The following CDCP1 variants were observed in gnomAD, a reference collection of about 807,000 sequenced individuals.
CDCP1 encodes CUB domain containing protein 1.
In CDCP1, 29 loss-of-function variants were observed where a neutral mutation model predicts 60.2. The ratio of observed to expected loss-of-function variants is 0.48; its 90% CI spans 0.36 to 0.66. The LOEUF is 0.66. Ranked by LOEUF, CDCP1 falls within the 30% of genes least tolerant of loss-of-function variation. The pLI is 0.00. For missense variants in CDCP1, 876 were observed against 1,074.3 expected (o/e 0.82, Z 2.58); for synonymous variants, 387 against 431.1 (o/e 0.90, Z 1.27).
chr3:45,094,209 T>A (rs971675263), intron 5 of CDCP1, among the ~76,000 whole-genome samples: 9 of 147,270 alleles, frequency 6.1e-5, no homozygotes, highest in Admixed American at 4.9e-4. Flanking sequence ...GCTGTTGGTT[T>A]ACTGGCCTTC....
intron 1 of CDCP1, among the ~76,000 whole-genome samples, chr3:45,121,124 A>G (rs1698876389): frequency 6.6e-6 from 1 of 152,206 alleles, no homozygotes; most frequent in Non-Finnish European, 1.5e-5. Flanking sequence ...TTAATTTCTC[A>G]TAGACATACT....
At chr3:45,136,601 G>T (rs1699195263) in intron 1 of CDCP1, among the ~76,000 whole-genome samples, 1 of 152,182 alleles carries the variant, frequency 6.6e-6, no homozygotes, top group South Asian at 2.1e-4. Flanking sequence ...TTCATGAAAA[G>T]CTGCTCCAAG....
intron 2 of CDCP1, among the ~76,000 whole-genome samples, chr3:45,118,065 T>C (rs919901448): frequency 3.3e-5 from 5 of 152,210 alleles, no homozygotes; most frequent in Non-Finnish European, 7.3e-5. Context: ...TGGGCTTCTG[T>C]AGTGCTGCCT....
chr3:45,085,705 TC>T lies in CDCP1; in HGVS notation c.2443del (p.Asp815MetfsTer2). The T allele has an allele frequency of 6.2e-7, 1 of 1,614,126 alleles. No individual in the cohort carries two copies. The highest frequency in any genetic ancestry group is 8.5e-7 in the Non-Finnish European group (1 of 1,180,006). ...PYTFSHPNNG[D>X]VSSKDTDIPL... Reference sequence around the variant, plus strand: ...AATGTCTGTGTCCTTGCTGCTTACATCCCCATTGTTGGGATGGGAGAAGGTG... The same window carrying T: ...AATGTCTGTGTCCTTGCTGCTTACATCCCATTGTTGGGATGGGAGAAGGTG... On this transcript the variant is annotated frameshift_variant, in exon 9 of 9. Transcript: ENST00000296129. LOFTEE classifies it low-confidence loss of function (END_TRUNC). The surrounding 1 kb of genome is among the most constrained non-coding windows in gnomAD (Gnocchi z 4.2).
rs549644062 is a variant in CDCP1 at position 45,101,925 on chromosome 3, T to G, written c.1025-6357A>C. Among the ~76,000 whole-genome samples, 5 of 151,864 alleles carry G rather than the reference T, an allele frequency of 3.3e-5. No individual in the cohort carries two copies. The South Asian group carries it at 1.0e-3, about 32-fold the overall frequency. ...AAAAATGTGGTGATGCTTGGTTTAG[T>G]TCAACAGCCGTTCACCGTTCATCAA... On this transcript the variant is annotated intron_variant, in intron 4 of 8. Coordinates refer to ENST00000296129, the MANE Select transcript of CDCP1 (RefSeq NM_022842.5).
At chr3:45,120,801 A>T (rs1698868963) in intron 1 of CDCP1, among the ~76,000 whole-genome samples, 1 of 152,118 alleles carries the variant, frequency 6.6e-6, no homozygotes, top group Non-Finnish European at 1.5e-5. Flanking sequence ...TCCTGACACC[A>T]AAAGTGCTTT....
chr3:45,146,225 C>A lies in CDCP1; in HGVS notation c.63G>T (p.Ala21=). 1.3e-6 allele frequency: 2 copies of A among 1,596,498 alleles called. No homozygotes were observed. Among genetic ancestry groups the A allele is most frequent in the Non-Finnish European group, 1.7e-6 (2 of 1,173,760 alleles). ...ACTCACCTGCCCCGCGCGGCAGGCG[C>A]GCCGCACCCAGCAGCAGAACCCCTA... The part of the protein sequence containing the change: ...ALLGVLLLGA[A]RLPRGAEAFE... Residue 21 remains alanine (A), a synonymous_variant, in exon 1 of 9, where the codon GCG becomes GCT. Transcript: ENST00000296129.
intron 4 of CDCP1, among the ~76,000 whole-genome samples, chr3:45,108,407 A>G (rs1002746410): frequency 1.3e-5 from 2 of 152,174 alleles, no homozygotes; most frequent in African/African-American, 4.8e-5. Flanking sequence ...TAATCTCAGC[A>G]CTAAATCCAT....
intron 2 of CDCP1, among the ~76,000 whole-genome samples, chr3:45,116,627 C>T (rs986318854): frequency 6.6e-6 from 1 of 152,174 alleles, no homozygotes; most frequent in Non-Finnish European, 1.5e-5. Context: ...TACTATCGGA[C>T]CTTATCTGAA....
chr3:45,140,872 T>C (rs1699276984), intron 1 of CDCP1, among the ~76,000 whole-genome samples: 1 of 152,230 alleles, frequency 6.6e-6, no homozygotes, highest in Non-Finnish European at 1.5e-5. Flanking sequence ...GTGCAGAAAG[T>C]CTTTACTTAT....
intron 1 of CDCP1, among the ~76,000 whole-genome samples, chr3:45,144,424 C>G (rs913480374): frequency 1.3e-5 from 2 of 152,022 alleles, no homozygotes; most frequent in Non-Finnish European, 2.9e-5. Flanking sequence ...AGGGCCAGTT[C>G]CTGAGACCAT....
At chr3:45,093,141 A>C in intron 6 of CDCP1, 136 bp downstream of exon 6, 1 of 992,336 alleles carries the variant, frequency 1.0e-6, no homozygotes, top group Non-Finnish European at 1.5e-6. Context: ...CTATCTTTCA[A>C]ATTTCTTGTG....
chr3:45,124,517 G>A (rs1698941033), intron 1 of CDCP1, among the ~76,000 whole-genome samples: 1 of 152,108 alleles, frequency 6.6e-6, no homozygotes, highest in Non-Finnish European at 1.5e-5. Context: ...GGATGCCAAG[G>A]GAGGCAGACT....
At chr3:45,119,791 G>A (rs951694057) in intron 1 of CDCP1, among the ~76,000 whole-genome samples, 2 of 152,130 alleles carry the variant, frequency 1.3e-5, no homozygotes, top group African/African-American at 4.8e-5. Context: ...ACACTCATGT[G>A]ACCACCACAA....
intron 1 of CDCP1, among the ~76,000 whole-genome samples, chr3:45,127,866 G>T (rs1026141712): frequency 6.6e-6 from 1 of 152,220 alleles, no homozygotes; most frequent in Admixed American, 6.5e-5. Flanking sequence ...CCCCTAGAAA[G>T]AAGCTGGGGC....
intron 7 of CDCP1, among the ~76,000 whole-genome samples, chr3:45,090,402 G>T (rs1411851455): frequency 6.6e-6 from 1 of 152,198 alleles, no homozygotes; most frequent in Non-Finnish European, 1.5e-5. Context: ...TGGCTCCAAG[G>T]CCTCCCACTG....
At chr3:45,121,695 A>G (rs1698888412) in intron 1 of CDCP1, among the ~76,000 whole-genome samples, 2 of 152,204 alleles carry the variant, frequency 1.3e-5, no homozygotes, top group Admixed American at 6.5e-5. Flanking sequence ...GGAATGGAGT[A>G]CCAGGGGGCA....
intron 1 of CDCP1, among the ~76,000 whole-genome samples, chr3:45,126,774 G>C (rs546384345): frequency 1.3e-5 from 2 of 152,198 alleles, no homozygotes; most frequent in South Asian, 4.2e-4. Flanking sequence ...TTAATATTAG[G>C]CAGCCCCGTG....
At position 45,112,375 on chromosome 3, in the gene CDCP1, G is replaced by A; in HGVS notation, c.363C>T (p.Leu121=). The part of the protein sequence containing the change: ...LQPSTSLLPT[L]NRTFIWDVKA... Reference sequence around the variant, plus strand: ...TGACATCCCAGATGAAAGTTCTGTTGAGGGTAGGCAACAACGATGTCGAGG... The same window carrying A: ...TGACATCCCAGATGAAAGTTCTGTTAAGGGTAGGCAACAACGATGTCGAGG... Residue 121 remains leucine (L), a synonymous_variant, in exon 3 of 9, where the codon CTC becomes CTT. Transcript: ENST00000296129. 6.2e-7 allele frequency: 1 copy of A among 1,614,258 alleles called. No individual in the cohort carries two copies. Among genetic ancestry groups the A allele is most frequent in the Non-Finnish European group, 8.5e-7 (1 of 1,180,044 alleles).
Sources: gnomAD v4.1 joint callset for allele counts (sites outside exome capture counted in the v4.1 genomes callset) on GRCh38, gnomAD v4.1.1 for gene constraint, Gnocchi (gnomAD v3.1) non-coding constraint, MANE v1.5 for transcripts, NCBI Gene and HGNC (gene_info 2026-07-23, HGNC 2026-07-21) for gene names.